Variants in NID2 observed in about 807,000 individuals in gnomAD.
The protein encoded by NID2 is nidogen-2.
In NID2, 83 loss-of-function variants were observed where a neutral mutation model predicts 145.4. That is an observed-to-expected ratio of 0.57 (90% CI 0.48 to 0.69). The LOEUF (loss-of-function observed/expected upper bound fraction) is 0.69. NID2 is among the 30% of genes least tolerant of loss of function. NID2 has a pLI of 0.00. For synonymous variants in NID2, 739 were observed against 701.3 expected, an observed-to-expected ratio of 1.05 and a Z score of -0.85; for missense variants, 1,807 against 1,765.7, an observed-to-expected ratio of 1.02 and a Z score of -0.42.
At chr14:52,009,028 T>C (rs1482274329) in intron 18 of NID2, 1 of 152,220 alleles carries the variant, frequency 6.6e-6, no homozygotes, top group Non-Finnish European at 1.5e-5. Context: ...AAAGCACTTT[T>C]TATAAAATAC....
rs1371781439 is a variant in NID2, at chr14:52,038,946, A to C, written c.2058T>G (p.Ser686=). 1.2e-6 allele frequency: 2 copies of C among 1,613,936 alleles called. No homozygotes were observed. Among genetic ancestry groups the C allele is most frequent in the Admixed American group, 1.7e-5 (1 of 59,994 alleles). The part of the protein sequence containing the change: ...TVTSTSSRDY[S]LTFGAINQTW... The stretch of plus-strand genomic sequence containing the variant: ...TTTGGTTGATTGCACCAAAAGTCAG[A>C]GAGTAGTCTCTGGAACTTGTAGAGG... Residue 686 remains serine (S), a synonymous_variant, in exon 9 of 22, where the codon TCT becomes TCG. Coordinates refer to ENST00000216286, the MANE Select transcript of NID2 (RefSeq NM_007361.4).
At chr14:52,057,549 A>C (rs1293912814) in intron 3 of NID2, among the ~76,000 whole-genome samples, 1 of 151,814 alleles carries the variant, frequency 6.6e-6, no homozygotes, top group Non-Finnish European at 1.5e-5. Flanking sequence ...CGAAAAATAC[A>C]AAAATTAGCC....
chr14:52,006,824 C>T, intron 19 of NID2, 164 bp from the exon 20 acceptor site: 4 of 589,240 alleles, frequency 6.8e-6, no homozygotes, highest in Non-Finnish European at 1.1e-5. Context: ...TACTAGTCTC[C>T]AGTTTTTAGT....
intron 9 of NID2, 76 bp from the exon 10 acceptor site, chr14:52,029,766 G>C: frequency 8.1e-7 from 1 of 1,231,078 alleles, no homozygotes; most frequent in Non-Finnish European, 1.2e-6. Flanking sequence ...AGGAGTCCTC[G>C]GAACTGACTG....
intron 12 of NID2, among the ~76,000 whole-genome samples, chr14:52,024,813 A>G (rs528477402): frequency 1.3e-5 from 2 of 152,282 alleles, no homozygotes; most frequent in South Asian, 2.1e-4. Context: ...TAAATTCCCA[A>G]TATGGAAAAG....
chr14:52,007,712 G>T, intron 19 of NID2, 98 bp downstream of exon 19: 1 of 1,071,340 alleles, frequency 9.3e-7, no homozygotes, highest in Non-Finnish European at 1.4e-6. Flanking sequence ...AAAGAAAGGA[G>T]ATCTAAGTGA....
At chr14:52,036,345 T>C (rs1461764140) in intron 9 of NID2, among the ~76,000 whole-genome samples, 1 of 152,236 alleles carries the variant, frequency 6.6e-6, no homozygotes, top group Admixed American at 6.5e-5. Context: ...GTATCCGTAC[T>C]TCATTCCTTT....
intron 6 of NID2, 31 bp downstream of exon 6, chr14:52,042,749 GAC>G: frequency 6.2e-7 from 1 of 1,608,790 alleles, no homozygotes; most frequent in Non-Finnish European, 8.5e-7. Context: ...AGCAGGAATA[GAC>G]ACACAGGAGT....
chr14:52,021,440 C>T (rs927238090), intron 12 of NID2, among the ~76,000 whole-genome samples: 4 of 152,198 alleles, frequency 2.6e-5, no homozygotes, highest in African/African-American at 7.2e-5. Flanking sequence ...CTGCACCACC[C>T]TTTGTCCAGA....
rs776827683 is a variant in NID2 at position 52,011,542 on chromosome 14, G to C, written c.3550+12C>G. The C allele has an allele frequency of 6.2e-7, 1 of 1,613,990 alleles. No individual in the cohort carries two copies. The highest frequency in any genetic ancestry group is 2.2e-5 in the East Asian group (1 of 44,890). On this transcript the variant is annotated intron_variant, in intron 17 of 21. Transcript: ENST00000216286. ...TCAAATGAAATGCAGACTGCTGAGT[G>C]AAGCTGCTGACCTGAATTCACGATC...
chr14:52,007,342 A>C (rs1474005886), intron 19 of NID2: 1 of 175,260 alleles, frequency 5.7e-6, no homozygotes, highest in East Asian at 1.8e-4. Flanking sequence ...CTAGACACAC[A>C]GCATTTTTTC....
chr14:52,044,536 C>T (rs1187710924), intron 5 of NID2, among the ~76,000 whole-genome samples: 3 of 152,116 alleles, frequency 2.0e-5, no homozygotes, highest in Non-Finnish European at 4.4e-5. Flanking sequence ...TCCCAAAGTG[C>T]TGGGATAACA....
intron 3 of NID2, among the ~76,000 whole-genome samples, chr14:52,057,956 C>T (rs1027407529): frequency 4.6e-5 from 7 of 152,024 alleles, no homozygotes; most frequent in African/African-American, 1.7e-4. Flanking sequence ...GATCCAAAAT[C>T]AGAAAGGAAA....
chr14:52,038,655 G>A, intron 9 of NID2, 92 bp downstream of exon 9: 1 of 950,380 alleles, frequency 1.1e-6, no homozygotes, highest in Middle Eastern at 2.2e-4. Flanking sequence ...ACACAGCATG[G>A]CACTAGGTAA....
chr14:52,009,383 A>T (rs183546154), intron 18 of NID2: 2 of 152,360 alleles, frequency 1.3e-5, no homozygotes, highest in South Asian at 2.1e-4. Flanking sequence ...AAAGTTGTAA[A>T]GGTGAAATCT....
At chr14:52,007,775 G>C (rs1566738786) in intron 19 of NID2, 35 bp downstream of exon 19, 1 of 1,574,742 alleles carries the variant, frequency 6.4e-7, no homozygotes, top group Admixed American at 1.7e-5. Flanking sequence ...ACTGTGATGA[G>C]AGGTTATCTA....
intron 10 of NID2, among the ~76,000 whole-genome samples, chr14:52,029,137 A>AT (rs923916097): frequency 6.6e-6 from 1 of 152,086 alleles, no homozygotes; most frequent in Non-Finnish European, 1.5e-5. Flanking sequence ...AAAACCAACA[A>AT]TTTTTTTTAA....
intron 5 of NID2, among the ~76,000 whole-genome samples, chr14:52,053,152 T>C (rs1048667996): frequency 2.0e-5 from 3 of 152,254 alleles, no homozygotes; most frequent in Admixed American, 6.5e-5. Flanking sequence ...CAACAGAGTA[T>C]GAATCTGGCA....
intron 14 of NID2, 59 bp from the exon 15 acceptor site, chr14:52,015,334 T>G: frequency 6.6e-7 from 1 of 1,504,816 alleles, no homozygotes; most frequent in Non-Finnish European, 9.1e-7. Flanking sequence ...AAGGACAGAA[T>G]GCAAAATGTA....
Sources: gnomAD v4.1 joint callset for allele counts (sites outside exome capture counted in the v4.1 genomes callset) on GRCh38, gnomAD v4.1.1 for gene constraint, MANE v1.5 for transcripts, NCBI Gene and HGNC (gene_info 2026-07-23, HGNC 2026-07-21) for gene names.